Variants in PIK3C2G observed in about 807,000 individuals in gnomAD.
PIK3C2G encodes the protein phosphatidylinositol-4-phosphate 3-kinase catalytic subunit type 2 gamma.
A neutral mutation model predicts 181.1 loss-of-function variants in PIK3C2G; 168 were observed. The ratio of observed to expected loss-of-function variants is 0.93; its 90% CI spans 0.82 to 1.05. The LOEUF (loss-of-function observed/expected upper bound fraction) is 1.05. Among genes scored for constraint, PIK3C2G ranks in the 50% least tolerant of loss-of-function variants. The pLI, the probability that PIK3C2G is intolerant of heterozygous loss-of-function variation, is 0.00. For missense variants in PIK3C2G, 1,869 were observed against 1,732.8 expected (o/e 1.08, Z -1.40); for synonymous variants, 573 against 592.2 (o/e 0.97, Z 0.47).
intron 31 of PIK3C2G, among the ~76,000 whole-genome samples, chr12:18,618,128 A>G (rs1046423589): frequency 1.3e-5 from 2 of 151,830 alleles, no homozygotes; most frequent in Non-Finnish European, 2.9e-5. Flanking sequence ...TTTTTAACTT[A>G]TGTACCTGTA....
At chr12:18,354,096 G>A (rs1940483757) in intron 11 of PIK3C2G, among the ~76,000 whole-genome samples, 1 of 152,234 alleles carries the variant, frequency 6.6e-6, no homozygotes, top group African/African-American at 2.4e-5. Flanking sequence ...GCTTCTCAGT[G>A]TTAGTCAGGG....
At chr12:18,591,526 T>C (rs796931055) in intron 29 of PIK3C2G, among the ~76,000 whole-genome samples, 15 of 151,450 alleles carry the variant, frequency 9.9e-5, no homozygotes, top group African/African-American at 3.4e-4. Context: ...GAAAGGAAAA[T>C]ATAGGAAGAC....
the PIK3C2G span, chr12:18,713,079 T>A: frequency 2.7e-6 from 4 of 1,489,480 alleles, no homozygotes; most frequent in South Asian, 3.5e-5. Context: ...TTTGATTTTA[T>A]AATAAATGCA....
At chr12:18,633,256 G>A (rs1028970813) in intron 31 of PIK3C2G, among the ~76,000 whole-genome samples, 4 of 151,968 alleles carry the variant, frequency 2.6e-5, no homozygotes, top group African/African-American at 4.8e-5. Flanking sequence ...AACAAATAAC[G>A]TAACAAATAT....
intron 13 of PIK3C2G, among the ~76,000 whole-genome samples, 193 bp from the exon 14 acceptor site, chr12:18,381,573 C>T (rs1942836570): frequency 1.3e-5 from 2 of 152,210 alleles, no homozygotes; most frequent in South Asian, 4.1e-4. Flanking sequence ...AATAGCCAAG[C>T]ATGTGGTATA....
intron 18 of PIK3C2G, among the ~76,000 whole-genome samples, chr12:18,466,604 T>C (rs1368817082): frequency 6.6e-6 from 1 of 151,944 alleles, no homozygotes; most frequent in Admixed American, 6.6e-5. Flanking sequence ...GATAAGTCTA[T>C]TCTAAGGAAT....
upstream of PIK3C2G, among the ~76,000 whole-genome samples, chr12:18,246,821 T>C (rs1948044902): frequency 6.6e-6 from 1 of 152,170 alleles, no homozygotes; most frequent in Admixed American, 6.5e-5. Flanking sequence ...TCCTCACCAG[T>C]AGACTTAGCT....
the PIK3C2G span, among the ~76,000 whole-genome samples, chr12:18,676,225 T>C: frequency 6.6e-6 from 1 of 152,172 alleles, no homozygotes; most frequent in Non-Finnish European, 1.5e-5. Flanking sequence ...TCATGTTGTT[T>C]GACCTTTAGG....
At chr12:18,618,978 T>A (rs1948726577) in intron 31 of PIK3C2G, among the ~76,000 whole-genome samples, 1 of 151,928 alleles carries the variant, frequency 6.6e-6, no homozygotes, top group African/African-American at 2.4e-5. Flanking sequence ...AGATCTTACA[T>A]TTGTGCCTTT....
At chr12:18,650,712 C>CTATATATATA (rs1157799425), downstream of PIK3C2G, among the ~76,000 whole-genome samples, 5 of 14,602 alleles carry the variant, frequency 3.4e-4, no homozygotes, top group Non-Finnish European at 3.5e-4. Flanking sequence ...GTGTATATAT[C>CTATATATATA]TATATATATA....
chr12:18,661,224 G>A, the PIK3C2G span, among the ~76,000 whole-genome samples: 3 of 152,050 alleles, frequency 2.0e-5, no homozygotes, highest in African/African-American at 7.2e-5. Flanking sequence ...AAGAGGCAAA[G>A]GGATTATTTG....
At chr12:18,720,414 A>G in the PIK3C2G span, among the ~76,000 whole-genome samples, 1 of 151,290 alleles carries the variant, frequency 6.6e-6, no homozygotes, top group Non-Finnish European at 1.5e-5. Flanking sequence ...GTATCTGATC[A>G]TCTTTAGTAA....
chr12:18,521,855 C>A (rs61914422), intron 24 of PIK3C2G, among the ~76,000 whole-genome samples: 2 of 152,248 alleles, frequency 1.3e-5, no homozygotes, highest in Admixed American at 6.5e-5. Flanking sequence ...AGAATCTGTG[C>A]GGCTCCATGG....
At chr12:18,493,118 T>A (rs931056665) in intron 20 of PIK3C2G, 2 of 152,258 alleles carry the variant, frequency 1.3e-5, no homozygotes, top group African/African-American at 4.8e-5. Flanking sequence ...GGAAAAGCTC[T>A]CTGTTTCAAC....
At chr12:18,303,102 C>CTTTTTCTTTCTTTCTTTCTT (rs1205145972) in intron 5 of PIK3C2G, among the ~76,000 whole-genome samples, 5 of 106,776 alleles carry the variant, frequency 4.7e-5, no homozygotes, top group Non-Finnish European at 1.0e-4. Context: ...TTTTCTTTCT[C>CTTTTTCTTTCTTTCTTTCTT]TTTCTTTCTT....
chr12:18,599,400 A>G (rs1947571369), intron 30 of PIK3C2G, among the ~76,000 whole-genome samples: 1 of 147,404 alleles, frequency 6.8e-6, no homozygotes, highest in Admixed American at 6.6e-5. Context: ...TCGCAAGAGC[A>G]AAAAACCAAA....
At chr12:18,488,386 G>T in intron 18 of PIK3C2G, 63 bp from the exon 19 acceptor site, 1 of 1,144,856 alleles carries the variant, frequency 8.7e-7, no homozygotes, top group South Asian at 2.0e-5. Flanking sequence ...TACTGTTCCG[G>T]CTGGATGTGG....
chr12:18,701,492 C>T, the PIK3C2G span: 47 of 1,613,812 alleles, frequency 2.9e-5, no homozygotes, highest in South Asian at 4.9e-4. Context: ...TCACAAAACA[C>T]CACCTCACCT....
chr12:18,362,063 T>C (rs538779863), intron 11 of PIK3C2G, among the ~76,000 whole-genome samples: 5 of 152,218 alleles, frequency 3.3e-5, no homozygotes, highest in Non-Finnish European at 7.4e-5. Flanking sequence ...AAACTAGTCC[T>C]TCTGATAGTA....
Sources: allele counts gnomAD v4.1 joint callset (sites outside exome capture counted in the v4.1 genomes callset), GRCh38; gene constraint gnomAD v4.1.1; transcripts MANE v1.5; gene names NCBI Gene and HGNC (gene_info 2026-07-23, HGNC 2026-07-21).